SYCE2: variants seen among roughly 807,000 people sequenced by gnomAD.
The protein encoded by SYCE2 is central element synaptonemal complex 1.
In SYCE2, 3 loss-of-function variants were observed where a neutral mutation model predicts 27.9. The ratio of observed to expected loss-of-function variants is 0.11; its 90% CI spans 0.05 to 0.28. The LOEUF (loss-of-function observed/expected upper bound fraction) is 0.28, where lower values mean the gene tolerates loss of function less well. SYCE2 is among the 10% of genes least tolerant of loss of function. SYCE2 has a pLI of 1.00. For missense variants in SYCE2, 207 were observed against 263.5 expected (o/e 0.79, Z 1.48); for synonymous variants, 85 against 100.7 (o/e 0.84, Z 0.93).
chr19:12,907,085 C>T (rs1249963998), intron 2 of SYCE2, among the ~76,000 whole-genome samples: 1 of 152,108 alleles, frequency 6.6e-6, no homozygotes, highest in Non-Finnish European at 1.5e-5. Context: ...GATCAGTTAG[C>T]GGTTCTGGCC....
chr19:12,918,505 G>A (rs979064545), intron 1 of SYCE2, among the ~76,000 whole-genome samples, 168 bp from the exon 2 acceptor site: 3 of 152,168 alleles, frequency 2.0e-5, no homozygotes, highest in Non-Finnish European at 4.4e-5. Flanking sequence ...GCAGGGGCAT[G>A]GGGTGAAAGG....
At chr19:12,918,426 C>T (rs2145985977) in intron 1 of SYCE2, 89 bp from the exon 2 acceptor site, 3 of 1,231,320 alleles carry the variant, frequency 2.4e-6, no homozygotes, top group Non-Finnish European at 2.4e-6. Flanking sequence ...CTGGTCACCT[C>T]GATGTGCTGC....
chr19:12,917,135 G>C (rs953522484), intron 2 of SYCE2, among the ~76,000 whole-genome samples: 1 of 151,010 alleles, frequency 6.6e-6, no homozygotes, highest in Non-Finnish European at 1.5e-5. Context: ...CACAATCTTG[G>C]CTTACTGCAA....
rs756857680 is a variant in SYCE2 at position 12,918,269 on chromosome 19, C to T, written c.84G>A (p.Pro28=). 37 of 1,614,074 alleles carry T rather than the reference C, an allele frequency of 2.3e-5. No homozygotes were observed. The Middle Eastern group carries it at 6.6e-4, about 29-fold the overall frequency. The change falls in exon 2 of 6, where the codon CCG becomes CCA. Residue 28 remains proline, a synonymous_variant. Transcript: ENST00000293695. The part of the protein sequence containing the change: ...PQPLGESKEH[P]RWEENCEEEA... ...CCTCCTCGCAGTTCTCTTCCCACCG[C>T]GGATGCTCCTTGCTCTCCCCCAAGG...
chr19:12,914,332 T>C (rs1971098190), intron 2 of SYCE2: 1 of 152,168 alleles, frequency 6.6e-6, no homozygotes, highest in African/African-American at 2.4e-5. Flanking sequence ...CTCCCACCAT[T>C]AGCCAATTTC....
At chr19:12,910,841 C>T (rs1440332782) in intron 2 of SYCE2, among the ~76,000 whole-genome samples, 2 of 151,646 alleles carry the variant, frequency 1.3e-5, no homozygotes, top group African/African-American at 4.9e-5. Context: ...CCACACCTGG[C>T]TAATTTTTTG....
chr19:12,918,720 G>A (rs1971185074), intron 1 of SYCE2, among the ~76,000 whole-genome samples: 1 of 152,140 alleles, frequency 6.6e-6, no homozygotes, highest in Non-Finnish European at 1.5e-5. Context: ...TTGGGAGGCG[G>A]AGGCGGGCGG....
chr19:12,900,733 G>T, intron 3 of SYCE2, 85 bp from the exon 4 acceptor site: 1 of 1,287,092 alleles, frequency 7.8e-7, no homozygotes, highest in Non-Finnish European at 1.1e-6. Flanking sequence ...TTAGATTTCT[G>T]CAATTTATCT....
At chr19:12,917,244 C>T (rs2145984069) in intron 2 of SYCE2, among the ~76,000 whole-genome samples, 2 of 151,454 alleles carry the variant, frequency 1.3e-5, no homozygotes, top group East Asian at 3.9e-4. Flanking sequence ...TTTGTAGACA[C>T]AGGGTTTCAC....
chr19:12,899,881 GCCCTCCCT>G, intron 5 of SYCE2, 115 bp downstream of exon 5: 1 of 1,589,850 alleles, frequency 6.3e-7, no homozygotes, highest in South Asian at 1.1e-5. Flanking sequence ...TTCACAGTGC[GCCCTCCCT>G]CCCTCCCATC....
intron 3 of SYCE2, 52 bp from the exon 4 acceptor site, chr19:12,900,700 G>A (rs1970816807): frequency 6.6e-7 from 1 of 1,524,118 alleles, no homozygotes; most frequent in Admixed American, 1.8e-5. Context: ...GGTATCACAA[G>A]ACATCTGTGT....
chr19:12,907,348 G>T (rs1470008209), intron 2 of SYCE2, among the ~76,000 whole-genome samples: 4 of 152,156 alleles, frequency 2.6e-5, no homozygotes, highest in Non-Finnish European at 5.9e-5. Context: ...AGGCACTCAG[G>T]CGCCACTCCC....
In SYCE2 at chr19:12,900,125, A is replaced by C. The variant is rs973762433; in HGVS notation, c.496-5T>G. On this transcript the variant is annotated splice_region_variant and splice_polypyrimidine_tract_variant and intron_variant, in intron 4 of 5. Transcript: ENST00000293695. The stretch of plus-strand genomic sequence containing the variant: ...CCATCTGAGTCTTAGGCTCTGCTGT[A>C]AAAAAGAAACCCAGGTTAGCAGTGC... 15 of 1,599,598 alleles carry C rather than the reference A, an allele frequency of 9.4e-6. No homozygotes were observed. The highest frequency in any genetic ancestry group is 1.2e-5 in the Non-Finnish European group (14 of 1,175,390).
rs576308428 is a variant in SYCE2 at position 12,904,124 on chromosome 19, C to T, written c.306+368G>A. Among the ~76,000 whole-genome samples, 47 of 152,292 alleles carry T rather than the reference C, an allele frequency of 3.1e-4. No individual in the cohort carries two copies. In the South Asian group the frequency reaches 9.5e-3, roughly 31 times the overall value. Reference sequence around the variant, plus strand: ...GACCTTGCGTGAAGTAAGAGGGCTGCGTGTTGGAGGCAGGAGGGCATCCAA... The same window carrying T: ...GACCTTGCGTGAAGTAAGAGGGCTGTGTGTTGGAGGCAGGAGGGCATCCAA... On this transcript the variant is annotated intron_variant, in intron 3 of 5. Coordinates refer to ENST00000293695, the MANE Select transcript of SYCE2 (RefSeq NM_001105578.2).
rs1392209786 is a variant in SYCE2, at chr19:12,919,232, G to T, written c.15+11C>A. Reference sequence around the variant, plus strand: ...CGCCCCACGCGCGAGAAGGAAACAAGCGCCGCGTACTCCCTGTCGCTCCAT... The same window carrying T: ...CGCCCCACGCGCGAGAAGGAAACAATCGCCGCGTACTCCCTGTCGCTCCAT... On this transcript the variant is annotated intron_variant, in intron 1 of 5. Transcript: ENST00000293695. The T allele has an allele frequency of 6.2e-7, 1 of 1,611,198 alleles. No homozygotes were observed. The highest frequency in any genetic ancestry group is 8.5e-7 in the Non-Finnish European group (1 of 1,180,002).
At chr19:12,917,676 T>TTTTTTTA (rs1971161330) in intron 2 of SYCE2, among the ~76,000 whole-genome samples, 1 of 146,696 alleles carries the variant, frequency 6.8e-6, no homozygotes, top group African/African-American at 2.5e-5. Flanking sequence ...TTTTTTTTTT[T>TTTTTTTA]GAGACAGCGT....
At chr19:12,909,329 A>T (rs1971001757) in intron 2 of SYCE2, among the ~76,000 whole-genome samples, 1 of 152,132 alleles carries the variant, frequency 6.6e-6, no homozygotes, top group Non-Finnish European at 1.5e-5. Flanking sequence ...GAAACCTCCC[A>T]GCCTCCCCAC....
chr19:12,917,773 C>T (rs1971163586), intron 2 of SYCE2, among the ~76,000 whole-genome samples: 2 of 150,404 alleles, frequency 1.3e-5, no homozygotes, highest in Non-Finnish European at 2.9e-5. Context: ...GATTCTCCTG[C>T]CTCAGCCTCC....
Position 12,911,351 on chromosome 19 carries a change from A to C in SYCE2, c.132-6685T>G, listed in dbSNP as rs75664784. Among the ~76,000 whole-genome samples, 1,297 of 152,274 alleles carry C rather than the reference A, an allele frequency of 8.5e-3. 20 individuals carry two copies. Among genetic ancestry groups the C allele is most frequent in the African/African-American group, 0.029 (1,224 of 41,560 alleles). ...AACCATCCCCACCAGCCACAAGATC[A>C]AGTCTAAATTCCTTCACACAGCATA... is the stretch of plus-strand genomic sequence containing the variant. On this transcript the variant is annotated intron_variant, in intron 2 of 5. Coordinates refer to ENST00000293695, the MANE Select transcript of SYCE2 (RefSeq NM_001105578.2).
Sources: gnomAD v4.1 joint callset for allele counts (sites outside exome capture counted in the v4.1 genomes callset) on GRCh38, gnomAD v4.1.1 for gene constraint, MANE v1.5 for transcripts, NCBI Gene and HGNC (gene_info 2026-07-23, HGNC 2026-07-21) for gene names.